Variants in C5orf47 observed in about 807,000 individuals in gnomAD.
C5orf47 encodes uncharacterized protein C5orf47.
In C5orf47, 20 loss-of-function variants were observed where a neutral mutation model predicts 20.6. The observed-to-expected ratio is 0.97, with a 90% CI of 0.68 to 1.41. C5orf47 has a LOEUF of 1.41. Ranked by LOEUF, C5orf47 falls within the 40% of genes most tolerant of loss-of-function variation. The pLI is 0.00. For missense variants in C5orf47, 262 were observed against 238.4 expected (o/e 1.10, Z -0.65); for synonymous variants, 106 against 97.3 (o/e 1.09, Z -0.53).
chr5:173,989,610 GGACCGGGCGC>G, intron 1 of C5orf47, 22 bp downstream of exon 1: 4 of 1,402,356 alleles, frequency 2.9e-6, no homozygotes, highest in Non-Finnish European at 3.7e-6. Flanking sequence ...GGGCAGGGCG[GGACCGGGCGC>G]GGCGGGGCGG....
rs759796420 is a variant in C5orf47 at position 174,001,247 on chromosome 5, C to T, written c.*16+16C>T. The T allele has an allele frequency of 2.7e-5, 36 of 1,334,130 alleles. No homozygotes were observed. Among genetic ancestry groups the T allele is most frequent in the East Asian group, 1.0e-4 (4 of 39,918 alleles). 82.6% of individuals were successfully genotyped at this position (1,334,130 alleles called of 1,614,324 possible). On this transcript the variant is annotated intron_variant, in intron 4 of 4. Coordinates refer to ENST00000340147, the MANE Select transcript of C5orf47 (RefSeq NM_001144954.2). ...TTATCTTCTGGTAAGAATTTATTTA[C>T]GTAATAATTATGGAATATAGATTTT...
chr5:173,993,985 G>A (rs142143344), intron 1 of C5orf47, among the ~76,000 whole-genome samples: 20 of 152,258 alleles, frequency 1.3e-4, no homozygotes, highest in Admixed American at 3.3e-4. Context: ...GGGATTTGAC[G>A]AACACTTGGG....
intron 1 of C5orf47, among the ~76,000 whole-genome samples, chr5:173,993,583 G>T (rs967017046): frequency 2.0e-5 from 3 of 152,206 alleles, no homozygotes; most frequent in Non-Finnish European, 4.4e-5. Context: ...GGCGGAGGTT[G>T]CAGTGAGCTG....
chr5:173,989,385 G>A lies in C5orf47; in HGVS notation c.122G>A (p.Trp41Ter), dbSNP rs1758934908. 6.5e-7 allele frequency: 1 copy of A among 1,538,138 alleles called. No homozygotes were observed. Among genetic ancestry groups the A allele is most frequent in the South Asian group, 1.2e-5 (1 of 81,864 alleles). ...QLGGRGAQGL[W>*]GQGPGAGCRQ... ...GGCGGCCGTGGAGCTCAAGGCCTTTGGGGTCAGGGGCCTGGGGCAGGCTGT... is the reference window on the plus strand; with the variant it reads ...GGCGGCCGTGGAGCTCAAGGCCTTTAGGGTCAGGGGCCTGGGGCAGGCTGT... The change falls in exon 1 of 5, where the codon TGG (tryptophan) becomes TAG (stop). Residue 41 changes from tryptophan to a stop codon, truncating the protein, a stop_gained. Transcript: ENST00000340147. LOFTEE classifies it high-confidence loss of function.
chr5:174,007,559 C>CGTT (rs1554098494), downstream of C5orf47, among the ~76,000 whole-genome samples: 1 of 138,916 alleles, frequency 7.2e-6, no homozygotes, highest in South Asian at 2.3e-4. Context: ...ACTCTCCTAC[C>CGTT]TTTTTTTTTT....
intron 1 of C5orf47, among the ~76,000 whole-genome samples, chr5:173,992,515 G>C (rs1427513573): frequency 1.3e-5 from 2 of 151,802 alleles, no homozygotes; most frequent in Admixed American, 1.3e-4. Context: ...GCTTTCTTTT[G>C]GTTTACTTTG....
At chr5:173,996,425 C>T (rs1372647382) in intron 1 of C5orf47, among the ~76,000 whole-genome samples, 1 of 152,130 alleles carries the variant, frequency 6.6e-6, no homozygotes, top group Non-Finnish European at 1.5e-5. Flanking sequence ...GACTTGATGA[C>T]TCCTGTGTTT....
intron 3 of C5orf47, among the ~76,000 whole-genome samples, chr5:174,000,328 G>A (rs1581196843): frequency 6.6e-6 from 1 of 152,170 alleles, no homozygotes; most frequent in East Asian, 1.9e-4. Flanking sequence ...GCACTATTGA[G>A]TTGATATTGT....
At chr5:173,992,311 G>T (rs1266450780) in intron 1 of C5orf47, among the ~76,000 whole-genome samples, 2 of 151,694 alleles carry the variant, frequency 1.3e-5, no homozygotes, top group Non-Finnish European at 2.9e-5. Flanking sequence ...ACTTTGGGAG[G>T]CTGAGACGGG....
chr5:173,999,168 A>AAATG (rs1390142647), intron 2 of C5orf47, among the ~76,000 whole-genome samples: 1 of 152,188 alleles, frequency 6.6e-6, no homozygotes, highest in African/African-American at 2.4e-5. Flanking sequence ...GGCAACTGGA[A>AAATG]AATGGCAAAG....
chr5:173,992,232 A>ATT (rs112978271), intron 1 of C5orf47, among the ~76,000 whole-genome samples: 5 of 137,082 alleles, frequency 3.6e-5, no homozygotes, highest in Non-Finnish European at 4.7e-5. Context: ...TATTTTGTTA[A>ATT]TTTTTTTTTT....
chr5:174,000,038 G>C (rs373931214), intron 3 of C5orf47, among the ~76,000 whole-genome samples: 16 of 152,028 alleles, frequency 1.1e-4, no homozygotes, highest in Admixed American at 1.0e-3. Context: ...GGTGTGTGTT[G>C]ACTGGAATTT....
intron 1 of C5orf47, among the ~76,000 whole-genome samples, chr5:173,990,014 T>A (rs998567098): frequency 6.6e-6 from 1 of 152,248 alleles, no homozygotes; most frequent in Non-Finnish European, 1.5e-5. Context: ...CCCATAGGTT[T>A]TGCATATGTC....
At chr5:173,991,329 G>T (rs1467822463) in intron 1 of C5orf47, among the ~76,000 whole-genome samples, 3 of 152,012 alleles carry the variant, frequency 2.0e-5, no homozygotes. Context: ...TGCATTTGCT[G>T]ATACCTCAAG....
At chr5:173,994,039 CA>C in intron 1 of C5orf47, among the ~76,000 whole-genome samples, 1 of 152,296 alleles carries the variant, frequency 6.6e-6, no homozygotes, top group African/African-American at 2.4e-5. Context: ...GTTTTCCTTG[CA>C]AAAAGTTGTC....
chr5:173,991,796 G>C (rs1325432211), intron 1 of C5orf47, among the ~76,000 whole-genome samples: 1 of 152,022 alleles, frequency 6.6e-6, no homozygotes, highest in Non-Finnish European at 1.5e-5. Context: ...ATCTGGTTTA[G>C]GTATCAGAGC....
intron 4 of C5orf47, 26 bp from the exon 5 acceptor site, chr5:174,004,245 C>G (rs1463908440): frequency 6.6e-6 from 1 of 152,196 alleles, no homozygotes; most frequent in Admixed American, 6.6e-5. Context: ...TTAACAAGAA[C>G]TCAATTTTGT....
chr5:173,989,543 C>T lies in C5orf47; in HGVS notation c.280C>T (p.Arg94Trp), dbSNP rs550299357. The T allele has an allele frequency of 5.9e-6, 9 of 1,518,602 alleles. No homozygotes were observed. The highest frequency in any genetic ancestry group is 2.8e-5 in the African/African-American group (2 of 71,686). 94.1% of individuals were successfully genotyped at this position (1,518,602 alleles called of 1,614,324 possible). The change falls in exon 1 of 5, where the codon CGG becomes TGG. Residue 94 changes from arginine to tryptophan, a missense_variant. Coordinates refer to ENST00000340147, the MANE Select transcript of C5orf47 (RefSeq NM_001144954.2). ...TGCGGCCTCTGCCTCCTCCCAGCTG[C>T]GGGCATCGAGAGTTCAGAGCGGCAC... ...EAAASASSQL[R>W]ASRVQSGTRQ...
downstream of C5orf47, among the ~76,000 whole-genome samples, chr5:174,008,649 G>A (rs892727315): frequency 3.3e-5 from 5 of 151,896 alleles, no homozygotes; most frequent in African/African-American, 7.3e-5. Flanking sequence ...TGGCTAACAC[G>A]GTGAAACCCC....
Sources: allele counts gnomAD v4.1 joint callset (sites outside exome capture counted in the v4.1 genomes callset), GRCh38; gene constraint gnomAD v4.1.1; transcripts MANE v1.5; gene names NCBI Gene and HGNC (gene_info 2026-07-23, HGNC 2026-07-21).